The following A1CF variants were observed in gnomAD, a reference collection of about 807,000 sequenced individuals.
A1CF encodes APOBEC1 complementation factor.
In A1CF, 48 loss-of-function variants were observed where a neutral mutation model predicts 68.9. That is an observed-to-expected ratio of 0.70 (90% CI 0.55 to 0.89). A1CF has a LOEUF of 0.89. A1CF is among the 40% of genes least tolerant of loss of function. A1CF has a pLI of 0.00. For missense variants in A1CF, 653 were observed against 718.9 expected (o/e 0.91, Z 1.05); for synonymous variants, 272 against 260.4 (o/e 1.04, Z -0.43).
intron 12 of A1CF, 117 bp downstream of exon 12, chr10:50,809,777 T>C: frequency 6.9e-7 from 1 of 1,455,694 alleles, no homozygotes; most frequent in East Asian, 2.3e-5. Flanking sequence ...CCCAAGGTTG[T>C]GCAAGTCAGA....
intron 1 of A1CF, among the ~76,000 whole-genome samples, chr10:50,872,757 G>A (rs1056264147): frequency 1.2e-4 from 18 of 151,794 alleles, no homozygotes; most frequent in African/African-American, 1.9e-4. Context: ...TGCTTCACTC[G>A]GACACATCAA....
intron 3 of A1CF, 35 bp downstream of exon 3, chr10:50,859,807 A>C: frequency 1.3e-6 from 2 of 1,582,518 alleles, no homozygotes; most frequent in Middle Eastern, 1.7e-4. Context: ...GTGCAAATTC[A>C]GTGGTGAGTC....
intron 2 of A1CF, among the ~76,000 whole-genome samples, chr10:50,863,673 A>G (rs12261973): frequency 0.034 from 5,160 of 152,218 alleles, 252 homozygotes; most frequent in African/African-American, 0.12. Flanking sequence ...GTAGAATACA[A>G]AAAGTGGATC....
At chr10:50,874,677 C>A (rs1841426463) in intron 1 of A1CF, among the ~76,000 whole-genome samples, 1 of 152,184 alleles carries the variant, frequency 6.6e-6, no homozygotes, top group Admixed American at 6.5e-5. Flanking sequence ...GAGGTTGTGT[C>A]CAGTTTGAGT....
chr10:50,807,873 T>A (rs1465013393), intron 12 of A1CF, among the ~76,000 whole-genome samples: 1 of 152,188 alleles, frequency 6.6e-6, no homozygotes, highest in African/African-American at 2.4e-5. Context: ...ACACATTGAT[T>A]TTTTTCTAGT....
chr10:50,853,795 CT>C (rs771485369), intron 3 of A1CF, among the ~76,000 whole-genome samples: 67 of 136,546 alleles, frequency 4.9e-4, no homozygotes, highest in African/African-American at 1.8e-3. Context: ...ATATTTTAGG[CT>C]TTTTTTTAAA....
chr10:50,816,699 G>A (rs777852963), intron 8 of A1CF, among the ~76,000 whole-genome samples: 3 of 152,172 alleles, frequency 2.0e-5, no homozygotes, highest in African/African-American at 4.8e-5. Flanking sequence ...ATAAGATGAA[G>A]GTGAAAGGAA....
chr10:50,876,661 T>G (rs939326245), intron 1 of A1CF, among the ~76,000 whole-genome samples: 1 of 152,154 alleles, frequency 6.6e-6, no homozygotes, highest in Non-Finnish European at 1.5e-5. Flanking sequence ...GAACTTACAC[T>G]ATTGCTTTTC....
chr10:50,829,743 C>CA (rs1839151109), intron 6 of A1CF, among the ~76,000 whole-genome samples: 1 of 152,118 alleles, frequency 6.6e-6, no homozygotes, highest in Non-Finnish European at 1.5e-5. Flanking sequence ...CCCAAGGCTC[C>CA]CACATAATTC....
chr10:50,880,581 T>C (rs1221767896), intron 1 of A1CF, among the ~76,000 whole-genome samples: 1 of 152,248 alleles, frequency 6.6e-6, no homozygotes, highest in Middle Eastern at 3.4e-3. Context: ...AACACAGTTT[T>C]CCCCCCATGG....
chr10:50,827,074 A>G (rs1838978540), intron 7 of A1CF, among the ~76,000 whole-genome samples: 1 of 152,230 alleles, frequency 6.6e-6, no homozygotes, highest in Non-Finnish European at 1.5e-5. Context: ...ATTCAACAAG[A>G]CGAGCTAACT....
chr10:50,881,186 G>A (rs955493018), intron 1 of A1CF, among the ~76,000 whole-genome samples: 2 of 151,952 alleles, frequency 1.3e-5, no homozygotes, highest in Admixed American at 6.6e-5. Context: ...GTGGGGTTTC[G>A]TCATGTTAGC....
chr10:50,812,990 G>A (rs1382165146), intron 10 of A1CF, among the ~76,000 whole-genome samples: 1 of 152,106 alleles, frequency 6.6e-6, no homozygotes, highest in African/African-American at 2.4e-5. Context: ...TAGAAAACCA[G>A]TTTTCTTCTG....
At chr10:50,841,597 AAC>A (rs1839779511) in intron 5 of A1CF, among the ~76,000 whole-genome samples, 1 of 152,220 alleles carries the variant, frequency 6.6e-6, no homozygotes, top group African/African-American at 2.4e-5. Context: ...CAATATTTTG[AAC>A]AGTGCCCAAT....
At chr10:50,852,470 C>T (rs1840291329) in intron 3 of A1CF, among the ~76,000 whole-genome samples, 1 of 152,116 alleles carries the variant, frequency 6.6e-6, no homozygotes, top group South Asian at 2.1e-4. Flanking sequence ...TAAAGTTGGC[C>T]TGTGGGTGGC....
At chr10:50,869,136 A>G (rs1841135332) in intron 1 of A1CF, among the ~76,000 whole-genome samples, 1 of 152,166 alleles carries the variant, frequency 6.6e-6, no homozygotes, top group South Asian at 2.1e-4. Flanking sequence ...CTGAACTTAA[A>G]AAAAAAAGTT....
intron 1 of A1CF, among the ~76,000 whole-genome samples, chr10:50,874,007 C>T (rs1000369367): frequency 1.3e-5 from 2 of 151,826 alleles, no homozygotes; most frequent in Non-Finnish European, 2.9e-5. Flanking sequence ...TGTGTATATG[C>T]ACATATGTAC....
intron 3 of A1CF, among the ~76,000 whole-genome samples, chr10:50,851,322 G>A (rs967477660): frequency 2.0e-5 from 3 of 152,162 alleles, no homozygotes; most frequent in African/African-American, 7.2e-5. Flanking sequence ...GTTTAATGGA[G>A]GAAAATGTTC....
chr10:50,855,800 G>T (rs770609793), intron 3 of A1CF, among the ~76,000 whole-genome samples: 1 of 152,074 alleles, frequency 6.6e-6, no homozygotes, highest in African/African-American at 2.4e-5. Context: ...CAAAGATACA[G>T]CAAAAGTAAA....
Sources: allele counts gnomAD v4.1 joint callset (sites outside exome capture counted in the v4.1 genomes callset), GRCh38; gene constraint gnomAD v4.1.1; transcripts MANE v1.5; gene names NCBI Gene and HGNC (gene_info 2026-07-23, HGNC 2026-07-21).